Variants in PRPF6 observed in about 807,000 individuals in gnomAD.
PRPF6 encodes pre-mRNA processing factor 6, also known as pre-mRNA-processing factor 6.
PRPF6 carries 42 observed loss-of-function variants against 118.3 expected under a neutral mutation model. That is an observed-to-expected ratio of 0.35 (90% CI 0.28 to 0.46). The LOEUF is 0.46. PRPF6 is among the 20% of genes least tolerant of loss of function. The pLI is 1.00. For missense variants in PRPF6, 662 were observed against 1,255.7 expected (o/e 0.53, Z 7.15); for synonymous variants, 481 against 485.1 (o/e 0.99, Z 0.11).
chr20:64,011,202 G>T lies in PRPF6; in HGVS notation c.1306-83G>T. ...GCTAAGAAAGAACGTGGTGGCCAACGCTGGAGGGTGGGTCGCTGTCTGGCC... is the reference window on the plus strand; with the variant it reads ...GCTAAGAAAGAACGTGGTGGCCAACTCTGGAGGGTGGGTCGCTGTCTGGCC... On this transcript the variant is annotated intron_variant, in intron 10 of 20. Transcript: ENST00000266079. The surrounding 1 kb of genome is among the most constrained non-coding windows in gnomAD (Gnocchi z 6.7). The T allele has an allele frequency of 7.6e-7, 1 of 1,308,668 alleles. No homozygotes were observed. Among genetic ancestry groups the T allele is most frequent in the South Asian group, 1.2e-5 (1 of 82,028 alleles). 81.1% of individuals were successfully genotyped at this position (1,308,668 alleles called of 1,614,324 possible).
At chr20:64,032,092 C>A in intron 20 of PRPF6, 48 bp downstream of exon 20, 1 of 1,611,836 alleles carries the variant, frequency 6.2e-7, no homozygotes, top group Non-Finnish European at 8.5e-7. Context: ...GGGACTGTGG[C>A]GGGGAGTTCC....
chr20:63,993,624 G>A (rs1444555909), intron 4 of PRPF6, 139 bp downstream of exon 4: 1 of 719,016 alleles, frequency 1.4e-6, no homozygotes, highest in Non-Finnish European at 2.5e-6. Context: ...AGAAGAAAGT[G>A]TTTGCTTCAG....
intron 5 of PRPF6, 51 bp from the exon 6 acceptor site, chr20:63,995,276 A>G: frequency 3.8e-6 from 6 of 1,580,578 alleles, no homozygotes; most frequent in Non-Finnish European, 5.2e-6. Flanking sequence ...TTTCTTGGGC[A>G]TGCAGTGCAA....
Position 64,026,976 on chromosome 20 carries a change from C to T in PRPF6, c.2029-6C>T, listed in dbSNP as rs1289666687. On this transcript the variant is annotated splice_polypyrimidine_tract_variant and splice_region_variant and intron_variant, in intron 15 of 20. Transcript: ENST00000266079. This position sits in a 1 kb window ranked among gnomAD's most constrained non-coding sequence, Gnocchi z 4.4. Reference sequence around the variant, plus strand: ...CCCTGCGTGACAGTGCATGTCTGCCCCACAGGTGTTCATGAAGTCTGTGAA... The same window carrying T: ...CCCTGCGTGACAGTGCATGTCTGCCTCACAGGTGTTCATGAAGTCTGTGAA... 1 of 1,613,632 alleles carries T rather than the reference C, an allele frequency of 6.2e-7. No individual in the cohort carries two copies. Among genetic ancestry groups the T allele is most frequent in the African/African-American group, 1.3e-5 (1 of 74,898 alleles).
At chr20:63,990,160 C>T (rs1031072492) in intron 3 of PRPF6, among the ~76,000 whole-genome samples, 1 of 152,130 alleles carries the variant, frequency 6.6e-6, no homozygotes, top group Non-Finnish European at 1.5e-5. Flanking sequence ...AGTCTTGCCA[C>T]ACACTTTAAA....
rs189638851 is a variant in PRPF6 at position 63,999,549 on chromosome 20, C to T, written c.867-54C>T. ...AAGTGGGTGCCCTCATCCCAGGTCTCGGGTGCACCCCTGACAGCATGGCCT... is the reference window on the plus strand; with the variant it reads ...AAGTGGGTGCCCTCATCCCAGGTCTTGGGTGCACCCCTGACAGCATGGCCT... On this transcript the variant is annotated intron_variant, in intron 7 of 20. Coordinates refer to ENST00000266079, the MANE Select transcript of PRPF6 (RefSeq NM_012469.4). 5.2e-5 allele frequency: 83 copies of T among 1,607,310 alleles called. No individual in the cohort carries two copies. The Middle Eastern group carries it at 5.9e-4, about 12-fold the overall frequency.
chr20:64,011,091 T>A lies in PRPF6; in HGVS notation c.1306-194T>A, dbSNP rs1023817495. On this transcript the variant is annotated intron_variant, in intron 10 of 20. Coordinates refer to ENST00000266079, the MANE Select transcript of PRPF6 (RefSeq NM_012469.4). The surrounding 1 kb of genome is among the most constrained non-coding windows in gnomAD (Gnocchi z 6.7). ...TTTGATGCTCACGAGAGTCACTAAA[T>A]GAGTCAGAAGCATAAAGGAACAGTT... is the stretch of plus-strand genomic sequence containing the variant. 1.3e-5 allele frequency among the ~76,000 whole-genome samples: 2 copies of A among 152,234 alleles called. No individual in the cohort carries two copies. Among genetic ancestry groups the A allele is most frequent in the Admixed American group, 1.3e-4 (2 of 15,276 alleles).
At chr20:63,991,667 G>A (rs1219283795) in intron 3 of PRPF6, among the ~76,000 whole-genome samples, 1 of 151,968 alleles carries the variant, frequency 6.6e-6, no homozygotes, top group Non-Finnish European at 1.5e-5. Flanking sequence ...GTGCATGCCT[G>A]TAATCCCAGC....
At chr20:64,008,870 T>A (rs1331917903) in intron 9 of PRPF6, among the ~76,000 whole-genome samples, 1 of 152,238 alleles carries the variant, frequency 6.6e-6, no homozygotes. Context: ...CAGGTAATAT[T>A]CTTAATATGC....
intron 9 of PRPF6, 55 bp downstream of exon 9, chr20:64,001,294 C>T: frequency 1.9e-6 from 3 of 1,589,036 alleles, no homozygotes; most frequent in Non-Finnish European, 2.6e-6. Flanking sequence ...CTCCTCTCAG[C>T]AGCTTTCCTG....
chr20:64,027,250 G>A lies in PRPF6; in HGVS notation c.2205+92G>A. 6.7e-7 allele frequency: 1 copy of A among 1,486,718 alleles called. No homozygotes were observed. The highest frequency in any genetic ancestry group is 1.2e-5 in the South Asian group (1 of 84,860). 92.1% of individuals were successfully genotyped at this position (1,486,718 alleles called of 1,614,324 possible). A position where few individuals can be genotyped will look rare whatever the true frequency, so the allele number is the denominator to read the frequency against. ...CAGGGTCATTGCCCTTCGCCTCTGA[G>A]GAGATGTGGAGGGCTGGGGGTTACA... On this transcript the variant is annotated intron_variant, in intron 16 of 20. Transcript: ENST00000266079. The surrounding 1 kb of genome is among the most constrained non-coding windows in gnomAD (Gnocchi z 6.5).
chr20:64,027,534 G>A lies in PRPF6; in HGVS notation c.2206-69G>A. On this transcript the variant is annotated intron_variant, in intron 16 of 20. Transcript: ENST00000266079. This position sits in a 1 kb window ranked among gnomAD's most constrained non-coding sequence, Gnocchi z 6.5. ...CTCGGTCACCCACTGCAGATGAGAA[G>A]CTGGGCATGGCTGTGTCCCAGTTCT... 1 of 1,607,256 alleles carries A rather than the reference G, an allele frequency of 6.2e-7. No homozygotes were observed. The highest frequency in any genetic ancestry group is 1.1e-5 in the South Asian group (1 of 90,834).
chr20:64,008,833 T>C (rs2059201886), intron 9 of PRPF6, among the ~76,000 whole-genome samples: 1 of 152,216 alleles, frequency 6.6e-6, no homozygotes, highest in South Asian at 2.1e-4. Flanking sequence ...TTGAATGCTG[T>C]GGTATTTCAT....
At chr20:64,021,829 CTG>C (rs1427003863) in intron 12 of PRPF6, among the ~76,000 whole-genome samples, 2 of 140,750 alleles carry the variant, frequency 1.4e-5, no homozygotes, top group African/African-American at 2.7e-5. Flanking sequence ...GGCCACAGCC[CTG>C]TGTGTGTGCG....
chr20:64,032,038 C>T lies in PRPF6; in HGVS notation c.2667C>T (p.Gly889=). The T allele has an allele frequency of 6.2e-7, 1 of 1,614,028 alleles. No individual in the cohort carries two copies. Among genetic ancestry groups the T allele is most frequent in the South Asian group, 1.1e-5 (1 of 91,082 alleles). Residue 889 remains glycine (G), a synonymous_variant, in exon 20 of 21, where the codon GGC becomes GGT. Transcript: ENST00000266079. The part of the protein sequence containing the change: ...AFFYKFELQH[G]TEEQQEEVRK... ...TCTACAAGTTTGAGCTGCAGCATGGCACTGAGGTGAGGCCCCTCGACAGAC... is the reference window on the plus strand; with the variant it reads ...TCTACAAGTTTGAGCTGCAGCATGGTACTGAGGTGAGGCCCCTCGACAGAC...
rs140606003 is a variant in PRPF6, at chr20:64,014,309, A to G, written c.1525-2414A>G. On this transcript the variant is annotated intron_variant, in intron 11 of 20. Coordinates refer to ENST00000266079, the MANE Select transcript of PRPF6 (RefSeq NM_012469.4). Reference sequence around the variant, plus strand: ...CATTTTATATACAGATGTTCAACTTATGGGCTTATATCCTGATAAACCCAT... The same window carrying G: ...CATTTTATATACAGATGTTCAACTTGTGGGCTTATATCCTGATAAACCCAT... Among the ~76,000 whole-genome samples, 6 of 152,156 alleles carry G rather than the reference A, an allele frequency of 3.9e-5. No individual in the cohort carries two copies. In the East Asian group the frequency reaches 1.2e-3, roughly 29 times the overall value.
intron 6 of PRPF6, 71 bp from the exon 7 acceptor site, chr20:63,998,974 A>C (rs1403559876): frequency 9.1e-7 from 1 of 1,101,904 alleles, no homozygotes; most frequent in Non-Finnish European, 1.4e-6. Flanking sequence ...GAGGGGCACC[A>C]GGGACCCTCT....
rs370432966 is a variant in PRPF6, at chr20:64,011,523, C to T, written c.1524+20C>T. 1.1e-5 allele frequency: 18 copies of T among 1,603,102 alleles called. No individual in the cohort carries two copies. Among genetic ancestry groups the T allele is most frequent in the East Asian group, 6.8e-5 (3 of 44,432 alleles). ...ATCCAGGTGGGCCGCAGGCGGGTGT[C>T]GTGGTGTCTGCTTTAACAGTGCACA... On this transcript the variant is annotated intron_variant, in intron 11 of 20. Transcript: ENST00000266079. The surrounding 1 kb of genome is among the most constrained non-coding windows in gnomAD (Gnocchi z 6.7).
intron 6 of PRPF6, 110 bp downstream of exon 6, chr20:63,995,592 T>A: frequency 2.6e-6 from 3 of 1,166,628 alleles, no homozygotes; most frequent in South Asian, 1.3e-5. Context: ...CTCCTTCTCC[T>A]CCTCCTCCTT....
Sources: allele counts gnomAD v4.1 joint callset (sites outside exome capture counted in the v4.1 genomes callset), GRCh38; gene constraint gnomAD v4.1.1; non-coding constraint Gnocchi (gnomAD v3.1); transcripts MANE v1.5; gene names NCBI Gene and HGNC (gene_info 2026-07-23, HGNC 2026-07-21).